CUL4A: variants seen among roughly 807,000 people sequenced by gnomAD.
CUL4A encodes the protein cullin-4A.
In CUL4A, 16 loss-of-function variants were observed where a neutral mutation model predicts 95.5. That is an observed-to-expected ratio of 0.17 (90% confidence interval 0.11 to 0.25). CUL4A has a LOEUF of 0.25. Ranked by LOEUF, CUL4A falls within the 10% of genes least tolerant of loss-of-function variation. The pLI is 1.00. For synonymous variants in CUL4A, 380 were observed against 353.1 expected (o/e 1.08, Z -0.85); for missense variants, 610 against 937.0 (o/e 0.65, Z 4.56).
intron 15 of CUL4A, among the ~76,000 whole-genome samples, chr13:113,250,161 T>C (rs1270317923): frequency 1.3e-5 from 2 of 152,144 alleles, no homozygotes; most frequent in Non-Finnish European, 2.9e-5. Flanking sequence ...CAAATCAAGA[T>C]CACAAAAAAT....
chr13:113,235,659 A>G (rs1428096688), intron 8 of CUL4A, among the ~76,000 whole-genome samples: 1 of 152,166 alleles, frequency 6.6e-6, no homozygotes, highest in African/African-American at 2.4e-5. Context: ...GGGGACAGCA[A>G]GGGAGAGAAA....
At chr13:113,244,582 G>T (rs2041809088) in intron 12 of CUL4A, 68 bp downstream of exon 12, 1 of 1,142,362 alleles carries the variant, frequency 8.8e-7, no homozygotes, top group Non-Finnish European at 1.3e-6. Context: ...TTTCCCAGAG[G>T]AGGTTTAGCA....
chr13:113,228,098 C>A, intron 4 of CUL4A, 53 bp downstream of exon 4: 1 of 1,326,624 alleles, frequency 7.5e-7, no homozygotes, highest in Non-Finnish European at 1.1e-6. Flanking sequence ...CTTCCCTCAC[C>A]CACATGATTG....
intron 10 of CUL4A, among the ~76,000 whole-genome samples, chr13:113,240,306 C>T (rs1057466780): frequency 1.3e-5 from 2 of 152,198 alleles, no homozygotes; most frequent in African/African-American, 4.8e-5. Flanking sequence ...GCAGCCCTCA[C>T]CACAAAGAAT....
At chr13:113,208,523 G>T (rs1359110184), upstream of CUL4A, 3 of 1,567,730 alleles carry the variant, frequency 1.9e-6, no homozygotes, top group African/African-American at 1.4e-5. Context: ...AGGCCTGAGG[G>T]TCCAAGGCAG....
At chr13:113,225,858 T>G (rs1202948467) in intron 3 of CUL4A, among the ~76,000 whole-genome samples, 2 of 152,236 alleles carry the variant, frequency 1.3e-5, no homozygotes, top group African/African-American at 2.4e-5. Flanking sequence ...TTGAACAATT[T>G]GTAAAGAGTA....
rs1196829923 is a variant in CUL4A at position 113,237,050 on chromosome 13, A to AG, written c.916+161dup. On this transcript the variant is annotated intron_variant, in intron 9 of 19. Transcript: ENST00000375440. ...AATGAACATGTTAGCCATCCACGGG[A>AG]GAAAAAAAAATCAGTAAGAGAAATA... 5.3e-5 allele frequency among the ~76,000 whole-genome samples: 8 copies of AG among 152,264 alleles called. No homozygotes were observed. In the South Asian group the frequency reaches 1.7e-3, roughly 32 times the overall value.
chr13:113,216,449 C>T (rs1034616610), intron 2 of CUL4A, among the ~76,000 whole-genome samples: 2 of 152,200 alleles, frequency 1.3e-5, no homozygotes, highest in African/African-American at 4.8e-5. Flanking sequence ...TGAGAAGAGA[C>T]AGTGCTGGCT....
intron 12 of CUL4A, among the ~76,000 whole-genome samples, 194 bp from the exon 13 acceptor site, chr13:113,244,755 G>C (rs892378812): frequency 6.6e-6 from 1 of 151,982 alleles, no homozygotes; most frequent in African/African-American, 2.4e-5. Flanking sequence ...GCAGAGAATG[G>C]CGTGAACGCG....
chr13:113,210,085 C>T lies in CUL4A; in HGVS notation c.261C>T (p.Tyr87=), dbSNP rs2040323202. The stretch of plus-strand genomic sequence containing the variant: ...TCAGGTACAACCTCGAGGAGCTCTA[C>T]CAGGTGAGGCGGCGGCCGGGGCTGG... ...TSIRYNLEEL[Y]QAVENLCSHK... Residue 87 remains tyrosine (Y), a synonymous_variant, in exon 2 of 20, where the codon TAC becomes TAT. Coordinates refer to ENST00000375440, the MANE Select transcript of CUL4A (RefSeq NM_001008895.4). 2.7e-6 allele frequency: 4 copies of T among 1,499,090 alleles called. No homozygotes were observed. The highest frequency in any genetic ancestry group is 3.6e-6 in the Non-Finnish European group (4 of 1,124,008). 92.9% of individuals were successfully genotyped at this position (1,499,090 alleles called of 1,614,324 possible).
At chr13:113,235,291 G>A in intron 8 of CUL4A, 146 bp downstream of exon 8, 1 of 598,518 alleles carries the variant, frequency 1.7e-6, no homozygotes, top group Non-Finnish European at 2.9e-6. Flanking sequence ...TTTGTTATTT[G>A]TCATTATTTG....
chr13:113,209,330 G>A (rs1009475736), upstream of CUL4A, among the ~76,000 whole-genome samples: 144 of 146,616 alleles, frequency 9.8e-4, no homozygotes, highest in African/African-American at 3.5e-3. Context: ...TGCGCCCCCC[G>A]GAGCCGGGGG....
At position 113,229,348 on chromosome 13, in the gene CUL4A, G is replaced by A. The variant is rs527862167; in HGVS notation, c.439-98G>A. ...GGGCTGTGGTGGACAGGAAACAGCT[G>A]TTGGATTTGAGACAGCTAGCATGGA... On this transcript the variant is annotated intron_variant, in intron 4 of 19. Coordinates refer to ENST00000375440, the MANE Select transcript of CUL4A (RefSeq NM_001008895.4). 4 of 976,370 alleles carry A rather than the reference G, an allele frequency of 4.1e-6. No individual in the cohort carries two copies. The South Asian group carries it at 5.6e-5, about 14-fold the overall frequency. The allele number at this position is 976,370 out of a possible 1,614,324, so 60.5% of individuals were successfully genotyped here.
At chr13:113,231,286 G>A (rs905761901) in intron 5 of CUL4A, among the ~76,000 whole-genome samples, 11 of 152,310 alleles carry the variant, frequency 7.2e-5, no homozygotes, top group African/African-American at 2.4e-4. Context: ...ATGGGGAGGA[G>A]GGCTGAGGGT....
At chr13:113,212,679 G>A (rs1323373925) in intron 2 of CUL4A, among the ~76,000 whole-genome samples, 2 of 152,190 alleles carry the variant, frequency 1.3e-5, no homozygotes, top group African/African-American at 4.8e-5. Context: ...CAGCTACTTG[G>A]GAGGCTGAGG....
intron 3 of CUL4A, among the ~76,000 whole-genome samples, chr13:113,220,225 T>C (rs2040847178): frequency 6.6e-6 from 1 of 152,184 alleles, no homozygotes; most frequent in African/African-American, 2.4e-5. Flanking sequence ...ACAGGGAAGC[T>C]GAAATGCAGG....
chr13:113,224,735 A>G (rs1285404898), intron 3 of CUL4A, among the ~76,000 whole-genome samples: 2 of 152,248 alleles, frequency 1.3e-5, no homozygotes, highest in African/African-American at 4.8e-5. Context: ...GCTTTGTCTC[A>G]CAACACCCTG....
At chr13:113,258,059 G>A (rs1416226900) in intron 18 of CUL4A, among the ~76,000 whole-genome samples, 5 of 152,022 alleles carry the variant, frequency 3.3e-5, no homozygotes, top group Admixed American at 2.0e-4. Flanking sequence ...CCAGGCTGGA[G>A]TGCAGTGGTG....
chr13:113,219,078 A>AT (rs761861652), intron 3 of CUL4A, 30 bp downstream of exon 3: 2 of 1,394,128 alleles, frequency 1.4e-6, no homozygotes, highest in Non-Finnish European at 2.0e-6. Context: ...TAAAGTTTCT[A>AT]TTCATTATCT....
Sources: gnomAD v4.1 joint callset for allele counts (sites outside exome capture counted in the v4.1 genomes callset) on GRCh38, gnomAD v4.1.1 for gene constraint, MANE v1.5 for transcripts, NCBI Gene and HGNC (gene_info 2026-07-23, HGNC 2026-07-21) for gene names.